The following ARID4A variants were observed in gnomAD, a reference collection of about 807,000 sequenced individuals.
The protein encoded by ARID4A is AT-rich interaction domain 4A, also known as AT-rich interactive domain-containing protein 4A.
ARID4A carries 39 observed loss-of-function variants against 148.6 expected under a neutral mutation model. The ratio of observed to expected loss-of-function variants is 0.26; its 90% CI spans 0.20 to 0.34. The LOEUF (loss-of-function observed/expected upper bound fraction) is 0.34, where lower values mean the gene tolerates loss of function less well. ARID4A is among the 10% of genes least tolerant of loss of function. The probability of loss-of-function intolerance (pLI) is 1.00; values close to 1 mark genes in which losing one functional copy is unlikely to be tolerated. For missense variants in ARID4A, 1,265 were observed against 1,449.1 expected, an observed-to-expected ratio of 0.87 and a Z score of 2.06; for synonymous variants, 475 against 481.2, an observed-to-expected ratio of 0.99 and a Z score of 0.17.
chr14:58,352,396 T>A (rs992183128), intron 16 of ARID4A, among the ~76,000 whole-genome samples: 4 of 152,164 alleles, frequency 2.6e-5, no homozygotes, highest in African/African-American at 9.7e-5. Context: ...GAATTTTAAA[T>A]ATTTGGACAA....
In ARID4A at chr14:58,350,153, A is replaced by G. The variant is rs549229518; in HGVS notation, c.1405-920A>G. On this transcript the variant is annotated intron_variant, in intron 15 of 23. Transcript: ENST00000355431. ...ACCTGCCACCTGCTATGTGCCAGCCACTGTGTAGATCTGAGGAGATGGAAG... is the reference window on the plus strand; with the variant it reads ...ACCTGCCACCTGCTATGTGCCAGCCGCTGTGTAGATCTGAGGAGATGGAAG... Among the ~76,000 whole-genome samples the G allele has an allele frequency of 2.0e-4, 30 of 149,424 alleles. No individual in the cohort carries two copies. In the South Asian group the frequency reaches 4.6e-3, roughly 23 times the overall value.
At chr14:58,352,133 T>C (rs1269518787) in intron 16 of ARID4A, among the ~76,000 whole-genome samples, 1 of 152,214 alleles carries the variant, frequency 6.6e-6, no homozygotes, top group Non-Finnish European at 1.5e-5. Flanking sequence ...TATTATGTGA[T>C]ATTAAATTTT....
chr14:58,306,194 TTGG>T, intron 5 of ARID4A, 82 bp downstream of exon 5: 1 of 983,468 alleles, frequency 1.0e-6, no homozygotes, highest in Non-Finnish European at 1.6e-6. Context: ...AATCATTGTG[TTGG>T]TGGAGAAATA....
chr14:58,313,946 C>G (rs561471445), intron 5 of ARID4A, among the ~76,000 whole-genome samples: 2 of 152,322 alleles, frequency 1.3e-5, no homozygotes, highest in Admixed American at 1.3e-4. Flanking sequence ...GGTTCACTGG[C>G]ACATGTGCCA....
At chr14:58,337,268 A>ATATATATATATATATAT (rs1422819457) in intron 11 of ARID4A, among the ~76,000 whole-genome samples, 91 of 133,716 alleles carry the variant, frequency 6.8e-4, no homozygotes, top group South Asian at 9.3e-4. Flanking sequence ...ATATATATAT[A>ATATATATATATATATAT]ATTAAAACCG....
intron 3 of ARID4A, 49 bp from the exon 4 acceptor site, chr14:58,304,895 T>A (rs747739878): frequency 7.0e-7 from 1 of 1,423,782 alleles, no homozygotes; most frequent in South Asian, 1.2e-5. Context: ...ACTATAAATG[T>A]ATTTGTTTTA....
intron 9 of ARID4A, among the ~76,000 whole-genome samples, 175 bp from the exon 10 acceptor site, chr14:58,329,353 A>T (rs893002120): frequency 1.3e-5 from 2 of 152,238 alleles, no homozygotes; most frequent in Admixed American, 1.3e-4. Flanking sequence ...GAATTAAGAT[A>T]ACTAACTTTG....
chr14:58,348,027 A>C (rs2034455950), intron 15 of ARID4A, 149 bp downstream of exon 15: 2 of 584,228 alleles, frequency 3.4e-6, no homozygotes, highest in South Asian at 5.1e-5. Context: ...TTTTCGAAAT[A>C]TATTGTATAT....
At chr14:58,332,390 C>T (rs2033579841) in intron 11 of ARID4A, among the ~76,000 whole-genome samples, 1 of 152,106 alleles carries the variant, frequency 6.6e-6, no homozygotes, top group South Asian at 2.1e-4. Flanking sequence ...ATTTATTTTT[C>T]GGATGGTCAA....
chr14:58,351,999 C>A (rs979665891), intron 16 of ARID4A, among the ~76,000 whole-genome samples: 11 of 152,272 alleles, frequency 7.2e-5, no homozygotes, highest in African/African-American at 2.6e-4. Context: ...TTATTAGCTG[C>A]TTCTGTAAGT....
At position 58,298,627 on chromosome 14, in the gene ARID4A, C is replaced by G. The variant is rs925682285; in HGVS notation, c.-131C>G. On this transcript the variant is annotated 5_prime_UTR_variant, in exon 1 of 24. Transcript: ENST00000355431. ...GCAGCCGCGGCTGGGAGTGGTGCTGCCCGGACGGGGGCCCACGGAGGTCAG... is the reference window on the plus strand; with the variant it reads ...GCAGCCGCGGCTGGGAGTGGTGCTGGCCGGACGGGGGCCCACGGAGGTCAG... The G allele has an allele frequency of 6.5e-6, 1 of 152,812 alleles. No homozygotes were observed. Among genetic ancestry groups the G allele is most frequent in the Non-Finnish European group, 1.5e-5 (1 of 68,136 alleles). The allele number at this position is 152,812 out of a possible 1,614,324, so 9.5% of individuals were successfully genotyped here. A position where few individuals can be genotyped will look rare whatever the true frequency, so the allele number is the denominator to read the frequency against.
intron 11 of ARID4A, among the ~76,000 whole-genome samples, chr14:58,334,714 A>G (rs955895566): frequency 6.6e-6 from 1 of 152,088 alleles, no homozygotes; most frequent in Non-Finnish European, 1.5e-5. Context: ...TCCCTATAAG[A>G]TGAGTCTCTC....
rs139672337 is a variant in ARID4A, at chr14:58,358,171, C to A, written c.1854-961C>A. 3.2e-4 allele frequency among the ~76,000 whole-genome samples: 48 copies of A among 151,642 alleles called. No homozygotes were observed. In the East Asian group the frequency reaches 8.8e-3, roughly 28 times the overall value. On this transcript the variant is annotated intron_variant, in intron 17 of 23. Transcript: ENST00000355431. Reference sequence around the variant, plus strand: ...CTCCATCCTGGGCAACAGAGTGAGACCCTCTCTAAAAAAATTGCCGGGTCC... The same window carrying A: ...CTCCATCCTGGGCAACAGAGTGAGAACCTCTCTAAAAAAATTGCCGGGTCC...
At chr14:58,313,852 C>G (rs2032224600) in intron 5 of ARID4A, among the ~76,000 whole-genome samples, 1 of 152,200 alleles carries the variant, frequency 6.6e-6, no homozygotes, top group South Asian at 2.1e-4. Flanking sequence ...GAGAGGAAAT[C>G]CCTTTCTCTC....
chr14:58,317,633 T>TTTTTC (rs2032548587), intron 5 of ARID4A, among the ~76,000 whole-genome samples: 1 of 136,356 alleles, frequency 7.3e-6, no homozygotes, highest in African/African-American at 2.8e-5. Context: ...TCTTTTTTTT[T>TTTTTC]TTTTTTTTTT....
In ARID4A at chr14:58,323,504, G is replaced by A. The variant is rs747869988; in HGVS notation, c.469G>A (p.Glu157Lys). 6 of 1,607,594 alleles carry A rather than the reference G, an allele frequency of 3.7e-6. No homozygotes were observed. The African/African-American group carries it at 6.7e-5, about 18-fold the overall frequency. ...TTTTAGTACTGAAGATGAAAAGGAA[G>A]AAGAAAGCAGTGAAGAGGAAGATGA... ...SLPVTEDEKE[E>K]ESSEEEDEDK... The change falls in exon 8 of 24, where the codon GAA becomes AAA. Residue 157 changes from glutamate to lysine, a missense_variant. Physicochemically the swap from Glu to Lys is moderately conservative, Grantham distance 56. Coordinates refer to ENST00000355431, the MANE Select transcript of ARID4A (RefSeq NM_002892.4).
At chr14:58,299,738 C>A in intron 1 of ARID4A, 60 bp from the exon 2 acceptor site, 2 of 1,465,018 alleles carry the variant, frequency 1.4e-6, no homozygotes, top group South Asian at 2.3e-5. Flanking sequence ...CTTTCTTTCC[C>A]TTGGTCGCTC....
chr14:58,361,173 A>T (rs1409550729), intron 19 of ARID4A, 131 bp downstream of exon 19: 1 of 1,370,470 alleles, frequency 7.3e-7, no homozygotes, highest in East Asian at 2.5e-5. Flanking sequence ...CCATTGTGTG[A>T]AATATTCACA....
intron 17 of ARID4A, among the ~76,000 whole-genome samples, chr14:58,357,784 G>A (rs1173181183): frequency 6.6e-6 from 1 of 151,974 alleles, no homozygotes; most frequent in Admixed American, 6.6e-5. Context: ...TTTAGATTTT[G>A]ACTTAATTCT....
Sources: gnomAD v4.1 joint callset for allele counts (sites outside exome capture counted in the v4.1 genomes callset) on GRCh38, gnomAD v4.1.1 for gene constraint, MANE v1.5 for transcripts, NCBI Gene and HGNC (gene_info 2026-07-23, HGNC 2026-07-21) for gene names.